The following ATP7B variants were observed in gnomAD, a reference collection of about 807,000 sequenced individuals.
ATP7B encodes the protein copper-transporting ATPase 2.
In ATP7B, 113 loss-of-function variants were observed where a neutral mutation model predicts 118.9. The observed-to-expected ratio is 0.95, with a 90% confidence interval of 0.82 to 1.11. The LOEUF is 1.11. Among genes scored for constraint, ATP7B ranks in the 50% most tolerant of loss-of-function variants. The pLI is 0.00. For synonymous variants in ATP7B, 777 were observed against 727.4 expected, an observed-to-expected ratio of 1.07 and a Z score of -1.10; for missense variants, 1,867 against 1,871.4, an observed-to-expected ratio of 1.00 and a Z score of 0.04.
chr13:52,002,344 T>G (rs967917387), intron 1 of ATP7B, among the ~76,000 whole-genome samples: 2 of 151,052 alleles, frequency 1.3e-5, no homozygotes, highest in African/African-American at 4.9e-5. Flanking sequence ...GGAGGATCAC[T>G]TGAGCCCAGG....
At chr13:51,951,569 G>A (rs1169343978) in intron 9 of ATP7B, among the ~76,000 whole-genome samples, 2 of 152,154 alleles carry the variant, frequency 1.3e-5, no homozygotes, top group African/African-American at 2.4e-5. Flanking sequence ...TCATATAAGC[G>A]CCCCTAGGAG....
rs767962948 is a variant in ATP7B at position 51,974,099 on chromosome 13, A to C, written c.1121T>G (p.Val374Gly). ...AIAGMTCASC[V>G]HSIEGMISQL... is the part of the protein sequence containing the mutation. ...GGAGATCATGCCTTCAATGGAATGGACACAGGATGCACAGGTCATGCCGGC... is the reference window on the plus strand; with the variant it reads ...GGAGATCATGCCTTCAATGGAATGGCCACAGGATGCACAGGTCATGCCGGC... Residue 374 changes from valine (V) to glycine (G), a missense_variant, in exon 2 of 21, where the codon GTC becomes GGC. Transcript: ENST00000242839. 21 of 1,614,022 alleles carry C rather than the reference A, an allele frequency of 1.3e-5. No homozygotes were observed. The highest frequency in any genetic ancestry group is 1.6e-5 in the Non-Finnish European group (19 of 1,180,018).
chr13:51,948,227 T>A (rs1010843256), intron 12 of ATP7B, among the ~76,000 whole-genome samples: 1 of 152,198 alleles, frequency 6.6e-6, no homozygotes, highest in South Asian at 2.1e-4. Context: ...GTGAAGGATT[T>A]TTTTTAAAAG....
At chr13:51,936,222 T>C (rs908022800) in intron 19 of ATP7B, among the ~76,000 whole-genome samples, 1 of 152,112 alleles carries the variant, frequency 6.6e-6, no homozygotes, top group Admixed American at 6.5e-5. Flanking sequence ...CAGAGGCACA[T>C]ACACTGGGGG....
At position 51,946,371 on chromosome 13, in the gene ATP7B, C is replaced by A. The variant is rs1801246; in HGVS notation, c.2973G>T (p.Thr991=). 1 of 1,613,422 alleles carries A rather than the reference C, an allele frequency of 6.2e-7. No homozygotes were observed. The highest frequency in any genetic ancestry group is 1.1e-5 in the South Asian group (1 of 90,988). The change falls in exon 13 of 21, where the codon ACG becomes ACT. Residue 991 remains threonine (T), a synonymous_variant. Coordinates refer to ENST00000242839, the MANE Select transcript of ATP7B (RefSeq NM_000053.4). The part of the protein sequence containing the change: ...IACPCSLGLA[T]PTAVMVGTGV... ...CGGTGCCCACCATGACAGCCGTGGG[C>A]GTGGCCAGCCCCAGGGAGCAGGGGC... is the stretch of plus-strand genomic sequence containing the variant.
chr13:51,945,913 G>A (rs540114745), intron 13 of ATP7B, among the ~76,000 whole-genome samples: 2 of 152,182 alleles, frequency 1.3e-5, no homozygotes, highest in Non-Finnish European at 2.9e-5. Flanking sequence ...ATGTCACGGT[G>A]GGGCTTTTGT....
chr13:51,951,274 T>C (rs950620151), intron 9 of ATP7B, among the ~76,000 whole-genome samples: 3 of 152,052 alleles, frequency 2.0e-5, no homozygotes, highest in African/African-American at 7.3e-5. Flanking sequence ...GAATCAAAGA[T>C]GAGCTCCAAA....
rs373193482 is a variant in ATP7B at position 51,944,104 on chromosome 13, C to G, written c.3243+5G>C. The G allele has an allele frequency of 3.7e-6, 6 of 1,614,040 alleles. No individual in the cohort carries two copies. The Middle Eastern group carries it at 6.6e-4, about 178-fold the overall frequency. ...GAGGGCAGGGCCACGCCCAAGTCCA[C>G]GTACCTCTTTACAGTATTTGGTGAC... On this transcript the variant is annotated splice_donor_5th_base_variant and intron_variant, in intron 14 of 20. Coordinates refer to ENST00000242839, the MANE Select transcript of ATP7B (RefSeq NM_000053.4).
intron 1 of ATP7B, chr13:51,975,383 GTCC>G: frequency 1.3e-6 from 1 of 741,854 alleles, no homozygotes; most frequent in Non-Finnish European, 2.4e-6. Flanking sequence ...CTAACTGTCT[GTCC>G]TCCTTAGTGA....
intron 1 of ATP7B, among the ~76,000 whole-genome samples, chr13:51,983,018 G>GT (rs927556652): frequency 8.6e-5 from 13 of 151,902 alleles, no homozygotes; most frequent in South Asian, 6.3e-4. Context: ...AGCTGCAGGA[G>GT]TTTTTTTTTC....
intron 1 of ATP7B, among the ~76,000 whole-genome samples, chr13:51,998,236 C>T (rs1426522200): frequency 2.0e-5 from 3 of 152,094 alleles, no homozygotes; most frequent in African/African-American, 4.8e-5. Context: ...CTCTGTCCAC[C>T]GAGGCTGCAG....
At position 51,974,338 on chromosome 13, in the gene ATP7B, G is replaced by T; in HGVS notation, c.882C>A (p.Asn294Lys). 2 of 1,614,060 alleles carry T rather than the reference G, an allele frequency of 1.2e-6. No individual in the cohort carries two copies. Among genetic ancestry groups the T allele is most frequent in the Non-Finnish European group, 1.7e-6 (2 of 1,180,034 alleles). The change falls in exon 2 of 21, where the codon AAC becomes AAA. Residue 294 changes from asparagine to lysine, a missense_variant. Asn to Lys is a moderately conservative substitution (Grantham distance 94). Transcript: ENST00000242839. ...GGTCATACTTTACTTGGGCAGTTTT[G>T]TTCTCCAAGGACACTTGAATACTTT... is the stretch of plus-strand genomic sequence containing the variant. ...GVQSIQVSLE[N>K]KTAQVKYDPS...
At chr13:51,947,643 A>G (rs1444570903) in intron 12 of ATP7B, among the ~76,000 whole-genome samples, 1 of 152,208 alleles carries the variant, frequency 6.6e-6, no homozygotes, top group Non-Finnish European at 1.5e-5. Context: ...ATTTTCATAG[A>G]AACAGTTATA....
rs1957522823 is a variant in ATP7B at position 51,944,330 on chromosome 13, A to G, written c.3061-39T>C. 1.9e-6 allele frequency: 3 copies of G among 1,612,006 alleles called. No homozygotes were observed. The South Asian group carries it at 3.3e-5, about 18-fold the overall frequency. ...CCACAACTCACTGACCACAATACAG[A>G]TGGAGGGGCTTCCATAGTCACACTC... On this transcript the variant is annotated intron_variant, in intron 13 of 20. Transcript: ENST00000242839.
intron 1 of ATP7B, among the ~76,000 whole-genome samples, chr13:51,976,774 T>G (rs1035487731): frequency 7.9e-5 from 12 of 152,156 alleles, no homozygotes; most frequent in Non-Finnish European, 4.4e-5. Flanking sequence ...TCTAAACATA[T>G]CTGAACATAG....
chr13:51,964,646 C>A (rs1037294397), intron 5 of ATP7B: 2 of 528,348 alleles, frequency 3.8e-6, no homozygotes, highest in East Asian at 3.5e-5. Flanking sequence ...ATAATAATGT[C>A]TTTTCCTCAT....
Position 52,011,292 on chromosome 13 carries a change from G to A in ATP7B, c.46C>T (p.Arg16Trp). 1.9e-6 allele frequency: 3 copies of A among 1,614,198 alleles called. No individual in the cohort carries two copies. The highest frequency in any genetic ancestry group is 1.7e-6 in the Non-Finnish European group (2 of 1,180,018). The part of the protein sequence containing the change: ...RQITAREGAS[R>W]KILSKLSLPT... ...CGCGGGGGAACAAAACTCACTTTCC[G>A]ACTGGCCCCTTCTCTGGCTGTGATC... Residue 16 changes from arginine to tryptophan, a missense_variant, in exon 1 of 21, where the codon CGG (arginine) becomes TGG (tryptophan). Transcript: ENST00000242839.
At chr13:52,001,251 A>G (rs1159101934) in intron 1 of ATP7B, among the ~76,000 whole-genome samples, 1 of 152,154 alleles carries the variant, frequency 6.6e-6, no homozygotes, top group Non-Finnish European at 1.5e-5. Context: ...CTTAGCCCCT[A>G]AAGTCTATTC....
chr13:52,010,273 G>A (rs1032708235), intron 1 of ATP7B, among the ~76,000 whole-genome samples: 1 of 152,158 alleles, frequency 6.6e-6, no homozygotes. Flanking sequence ...CCGGAGCCTA[G>A]ATGAATTCAC....
Sources: gnomAD v4.1 joint callset for allele counts (sites outside exome capture counted in the v4.1 genomes callset) on GRCh38, gnomAD v4.1.1 for gene constraint, MANE v1.5 for transcripts, NCBI Gene and HGNC (gene_info 2026-07-23, HGNC 2026-07-21) for gene names.